PDCD6IP: variants seen among roughly 807,000 people sequenced by gnomAD.
PDCD6IP encodes programmed cell death 6 interacting protein.
PDCD6IP carries 43 observed loss-of-function variants against 103.7 expected under a neutral mutation model. The observed-to-expected ratio is 0.41, with a 90% CI of 0.32 to 0.53. The LOEUF (loss-of-function observed/expected upper bound fraction) is 0.53, where lower values mean the gene tolerates loss of function less well. PDCD6IP is among the 20% of genes least tolerant of loss of function. The pLI, the probability that PDCD6IP is intolerant of heterozygous loss-of-function variation, is 0.16. For missense variants in PDCD6IP, 871 were observed against 1,036.7 expected (o/e 0.84, Z 2.20); for synonymous variants, 354 against 378.7 (o/e 0.93, Z 0.76).
Position 33,866,486 on chromosome 3 carries a change from C to G in PDCD6IP, c.2568C>G (p.Phe856Leu), listed in dbSNP as rs1698068378. Reference sequence around the variant, plus strand: ...GACCCCAGCAGCCTTCATACCCCTTCCCTCAGCCCCCACAGCAGTCTTACT... The same window carrying G: ...GACCCCAGCAGCCTTCATACCCCTTGCCTCAGCCCCCACAGCAGTCTTACT... ...YPGPQQPSYP[F>L]PQPPQQSYYP... Residue 856 changes from phenylalanine (F) to leucine (L), a missense_variant, in exon 18 of 18, where the codon TTC becomes TTG. Transcript: ENST00000307296. 2 of 1,611,622 alleles carry G rather than the reference C, an allele frequency of 1.2e-6. No individual in the cohort carries two copies. Among genetic ancestry groups the G allele is most frequent in the South Asian group, 2.2e-5 (2 of 90,580 alleles).
At chr3:33,810,896 ATTT>A (rs772180215) in intron 1 of PDCD6IP, among the ~76,000 whole-genome samples, 4 of 138,098 alleles carry the variant, frequency 2.9e-5, no homozygotes, top group Admixed American at 7.2e-5. Flanking sequence ...ATGTTTGTGG[ATTT>A]TTTTTTTTTT....
intron 3 of PDCD6IP, among the ~76,000 whole-genome samples, chr3:33,816,554 G>C (rs954631190): frequency 6.9e-6 from 1 of 145,498 alleles, no homozygotes; most frequent in African/African-American, 2.5e-5. Flanking sequence ...TGATTCTGAT[G>C]ATCATCCCAG....
At position 33,858,741 on chromosome 3, in the gene PDCD6IP, C is replaced by T. The variant is rs374586562; in HGVS notation, c.2120+3481C>T. ...AGGAGAATGGCGTGAACCCGGGAGG[C>T]GGAGCTTGCAGTGAGCTGAGATTGC... On this transcript the variant is annotated intron_variant, in intron 15 of 17. Coordinates refer to ENST00000307296, the MANE Select transcript of PDCD6IP (RefSeq NM_013374.6). Among the ~76,000 whole-genome samples the T allele has an allele frequency of 9.2e-5, 14 of 151,728 alleles. No individual in the cohort carries two copies. The East Asian group carries it at 1.2e-3, about 13-fold the overall frequency.
chr3:33,862,211 A>T (rs1011343751), intron 15 of PDCD6IP, among the ~76,000 whole-genome samples: 1 of 151,246 alleles, frequency 6.6e-6, no homozygotes, highest in Non-Finnish European at 1.5e-5. Flanking sequence ...TATTTATTTT[A>T]TAAGCAGTTA....
intron 3 of PDCD6IP, 101 bp from the exon 4 acceptor site, chr3:33,821,852 TGA>T (rs1696998137): frequency 9.1e-7 from 1 of 1,100,768 alleles, no homozygotes; most frequent in Non-Finnish European, 1.3e-6. Context: ...CTTGTTTTTG[TGA>T]GAGTCAGCGG....
intron 1 of PDCD6IP, among the ~76,000 whole-genome samples, chr3:33,811,615 T>C (rs1199329090): frequency 2.6e-5 from 4 of 152,250 alleles, no homozygotes; most frequent in Non-Finnish European, 4.4e-5. Context: ...TTTGGATTTC[T>C]AGCTGAAAGA....
chr3:33,829,752 G>C (rs1047186032), intron 7 of PDCD6IP, among the ~76,000 whole-genome samples: 2 of 152,070 alleles, frequency 1.3e-5, no homozygotes, highest in African/African-American at 2.4e-5. Context: ...TGGATGTCTT[G>C]GTTCATTTTG....
chr3:33,800,536 A>T (rs1218481253), intron 1 of PDCD6IP, among the ~76,000 whole-genome samples: 1 of 152,230 alleles, frequency 6.6e-6, no homozygotes, highest in Non-Finnish European at 1.5e-5. Flanking sequence ...GATTGCTCAG[A>T]GGAATTAAGA....
At chr3:33,861,784 G>A (rs1444042870) in intron 15 of PDCD6IP, among the ~76,000 whole-genome samples, 3 of 152,082 alleles carry the variant, frequency 2.0e-5, no homozygotes, top group Admixed American at 6.5e-5. Flanking sequence ...TGACTAATAT[G>A]TCCTTTTTAT....
At chr3:33,810,488 A>G (rs532347440) in intron 1 of PDCD6IP, among the ~76,000 whole-genome samples, 3 of 152,196 alleles carry the variant, frequency 2.0e-5, no homozygotes, top group Admixed American at 6.5e-5. Context: ...TCTAAGGAGC[A>G]CTTGGCTCAT....
intron 9 of PDCD6IP, among the ~76,000 whole-genome samples, chr3:33,840,255 A>G (rs1697439390): frequency 6.6e-6 from 1 of 152,214 alleles, no homozygotes; most frequent in Non-Finnish European, 1.5e-5. Context: ...GAGAAAATAT[A>G]TTTACTATGA....
At position 33,828,983 on chromosome 3, in the gene PDCD6IP, T is replaced by A; in HGVS notation, c.834+14T>A. ...GCAAGGTTACAGGTGAGTCTCTTGGTAATAAATATTTAAGTAACTAACTTG... is the reference window on the plus strand; with the variant it reads ...GCAAGGTTACAGGTGAGTCTCTTGGAAATAAATATTTAAGTAACTAACTTG... On this transcript the variant is annotated intron_variant, in intron 7 of 17. Transcript: ENST00000307296. 1 of 1,561,452 alleles carries A rather than the reference T, an allele frequency of 6.4e-7. No individual in the cohort carries two copies. The highest frequency in any genetic ancestry group is 1.4e-5 in the African/African-American group (1 of 72,842).
At chr3:33,839,593 A>G (rs1334127345) in intron 9 of PDCD6IP, among the ~76,000 whole-genome samples, 1 of 152,186 alleles carries the variant, frequency 6.6e-6, no homozygotes, top group Admixed American at 6.5e-5. Flanking sequence ...CTTCGTGTGG[A>G]CATATTTTAG....
rs151019997 is a variant in PDCD6IP, at chr3:33,849,008, A to G, written c.1641+3420A>G. Among the ~76,000 whole-genome samples the G allele has an allele frequency of 6.0e-3, 909 of 152,366 alleles. 7 individuals carry two copies. The highest frequency in any genetic ancestry group is 0.02 in the African/African-American group (842 of 41,582). The stretch of plus-strand genomic sequence containing the variant: ...GAAACATAGCTGCGCTCATTCATTT[A>G]CACATTGTCTTTCACACTACAAAGC... On this transcript the variant is annotated intron_variant, in intron 12 of 17. Transcript: ENST00000307296.
At chr3:33,815,712 A>G (rs1696833304) in intron 3 of PDCD6IP, among the ~76,000 whole-genome samples, 1 of 152,184 alleles carries the variant, frequency 6.6e-6, no homozygotes, top group Non-Finnish European at 1.5e-5. Context: ...TGACTCTGAG[A>G]TTTAATAAGT....
intron 3 of PDCD6IP, among the ~76,000 whole-genome samples, chr3:33,815,906 TTGAC>T (rs1281783220): frequency 2.0e-5 from 3 of 152,176 alleles, no homozygotes; most frequent in Non-Finnish European, 2.9e-5. Context: ...TGGCAGATAA[TTGAC>T]TGAGAAAAGT....
chr3:33,856,076 C>G (rs540819086), intron 15 of PDCD6IP, among the ~76,000 whole-genome samples: 8 of 152,304 alleles, frequency 5.3e-5, no homozygotes, highest in Admixed American at 5.2e-4. Flanking sequence ...AGCGCAAACT[C>G]TATTGTGAAC....
chr3:33,853,953 T>C lies in PDCD6IP; in HGVS notation c.1965T>C (p.Asn655=), dbSNP rs1409371730. ...ACTTAAGAGAAGAAGTTTTGAAGAA[T>C]TTAGCTACTGCATATGACAACTTTG... ...EANLREEVLK[N]LATAYDNFVE... The change falls in exon 14 of 18, where the codon AAT becomes AAC. Residue 655 remains asparagine, a synonymous_variant. Coordinates refer to ENST00000307296, the MANE Select transcript of PDCD6IP (RefSeq NM_013374.6). 6.3e-7 allele frequency: 1 copy of C among 1,590,490 alleles called. No individual in the cohort carries two copies. Among genetic ancestry groups the C allele is most frequent in the Non-Finnish European group, 8.5e-7 (1 of 1,172,588 alleles).
intron 12 of PDCD6IP, among the ~76,000 whole-genome samples, chr3:33,850,255 C>CA (rs992668620): frequency 2.0e-5 from 3 of 152,060 alleles, no homozygotes; most frequent in African/African-American, 7.2e-5. Context: ...GGAGTATAGT[C>CA]AGAGTTGAAG....
Sources: allele counts gnomAD v4.1 joint callset (sites outside exome capture counted in the v4.1 genomes callset), GRCh38; gene constraint gnomAD v4.1.1; transcripts MANE v1.5; gene names NCBI Gene and HGNC (gene_info 2026-07-23, HGNC 2026-07-21).